Variants in ITFG1 observed in about 807,000 individuals in gnomAD.
ITFG1 encodes integrin alpha FG-GAP repeat containing 1, also known as T-cell immunomodulatory protein.
In ITFG1, 34 loss-of-function variants were observed where a neutral mutation model predicts 81.8. The observed-to-expected ratio is 0.42, with a 90% CI of 0.32 to 0.55. The LOEUF (loss-of-function observed/expected upper bound fraction) is 0.55. Ranked by LOEUF, ITFG1 falls within the 20% of genes least tolerant of loss-of-function variation. The pLI is 0.17. For synonymous variants in ITFG1, 285 were observed against 270.6 expected, an observed-to-expected ratio of 1.05 and a Z score of -0.52; for missense variants, 672 against 755.4, an observed-to-expected ratio of 0.89 and a Z score of 1.29.
chr16:47,169,030 G>T (rs1260269038), intron 14 of ITFG1, among the ~76,000 whole-genome samples: 1 of 152,072 alleles, frequency 6.6e-6, no homozygotes, highest in Non-Finnish European at 1.5e-5. Flanking sequence ...AAATTAATTT[G>T]CCATAGATAT....
intron 7 of ITFG1, among the ~76,000 whole-genome samples, chr16:47,367,552 G>C (rs750110993): frequency 6.6e-6 from 1 of 152,180 alleles, no homozygotes; most frequent in Non-Finnish European, 1.5e-5. Flanking sequence ...TTAGGAAGTG[G>C]GGACTAACGC....
chr16:47,317,406 A>G (rs1166429291), intron 8 of ITFG1: 1 of 152,220 alleles, frequency 6.6e-6, no homozygotes, highest in African/African-American at 2.4e-5. Flanking sequence ...GTTCACATAT[A>G]TCACTTATTC....
At chr16:47,206,569 T>C (rs1026667720) in intron 14 of ITFG1, among the ~76,000 whole-genome samples, 1 of 152,218 alleles carries the variant, frequency 6.6e-6, no homozygotes, top group African/African-American at 2.4e-5. Flanking sequence ...GAATCTACTT[T>C]CTGTCTCTAT....
chr16:47,362,028 G>A (rs1053018770), intron 8 of ITFG1, among the ~76,000 whole-genome samples: 6 of 152,088 alleles, frequency 3.9e-5, no homozygotes, highest in Non-Finnish European at 7.4e-5. Context: ...ACTTTAAAGC[G>A]TCTCAGTACC....
chr16:47,420,943 G>T (rs1968938292), intron 6 of ITFG1, among the ~76,000 whole-genome samples: 1 of 152,076 alleles, frequency 6.6e-6, no homozygotes, highest in Non-Finnish European at 1.5e-5. Context: ...GTGCTCCACT[G>T]TTAGATGCGT....
chr16:47,160,069 T>C (rs758438206), intron 16 of ITFG1, among the ~76,000 whole-genome samples: 1 of 151,978 alleles, frequency 6.6e-6, no homozygotes, highest in Non-Finnish European at 1.5e-5. Flanking sequence ...TGTTAATTAG[T>C]TGAAAGCTAC....
intron 13 of ITFG1, among the ~76,000 whole-genome samples, chr16:47,235,906 A>G (rs910375071): frequency 6.6e-6 from 1 of 152,242 alleles, no homozygotes; most frequent in Non-Finnish European, 1.5e-5. Context: ...ATTGTGATCT[A>G]TGATATCAGT....
At chr16:47,294,950 G>T (rs1966961078) in intron 10 of ITFG1, among the ~76,000 whole-genome samples, 1 of 152,118 alleles carries the variant, frequency 6.6e-6, no homozygotes, top group Non-Finnish European at 1.5e-5. Flanking sequence ...GTTCTTCGGG[G>T]AAGAGCTTTC....
chr16:47,299,941 G>C (rs1049778069), intron 10 of ITFG1: 5 of 152,256 alleles, frequency 3.3e-5, no homozygotes, highest in Non-Finnish European at 7.3e-5. Flanking sequence ...TGCATAGTCT[G>C]CTAAAAGGTA....
intron 14 of ITFG1, among the ~76,000 whole-genome samples, chr16:47,200,134 T>C (rs1965407869): frequency 6.6e-6 from 1 of 152,214 alleles, no homozygotes; most frequent in African/African-American, 2.4e-5. Context: ...ACCCCTGGGC[T>C]ATACCATCTA....
At position 47,199,411 on chromosome 16, in the gene ITFG1, T is replaced by C. The variant is rs952517673; in HGVS notation, c.1453+19457A>G. Among the ~76,000 whole-genome samples, 5 of 152,246 alleles carry C rather than the reference T, an allele frequency of 3.3e-5. No individual in the cohort carries two copies. In the East Asian group the frequency reaches 9.6e-4, roughly 29 times the overall value. The stretch of plus-strand genomic sequence containing the variant: ...CAAGACTCACCCCAGAGTTAACTTC[T>C]AGTTGTACAAGCTACATTCATGGTA... On this transcript the variant is annotated intron_variant, in intron 14 of 17. Coordinates refer to ENST00000320640, the MANE Select transcript of ITFG1 (RefSeq NM_030790.5).
At chr16:47,312,318 G>A (rs913832105) in intron 9 of ITFG1, 1 of 152,130 alleles carries the variant, frequency 6.6e-6, no homozygotes, top group Admixed American at 6.5e-5. Flanking sequence ...AACATACCTA[G>A]AGATTCCCTT....
intron 13 of ITFG1, among the ~76,000 whole-genome samples, chr16:47,228,007 TTAAA>T (rs1159002372): frequency 6.6e-6 from 1 of 152,212 alleles, no homozygotes; most frequent in East Asian, 1.9e-4. Context: ...CTTTAAGACA[TTAAA>T]TAAAACATTA....
intron 12 of ITFG1, among the ~76,000 whole-genome samples, chr16:47,242,611 G>GA (rs1385903000): frequency 6.6e-6 from 1 of 152,024 alleles, no homozygotes; most frequent in South Asian, 2.1e-4. Context: ...AGAACAATAT[G>GA]AAATAAAAAC....
chr16:47,402,257 C>T (rs1968671192), intron 6 of ITFG1, among the ~76,000 whole-genome samples: 1 of 152,110 alleles, frequency 6.6e-6, no homozygotes, highest in Non-Finnish European at 1.5e-5. Flanking sequence ...ACTTGTACCA[C>T]AGTATAAATA....
intron 10 of ITFG1, among the ~76,000 whole-genome samples, chr16:47,270,630 A>C (rs1276541923): frequency 6.6e-6 from 1 of 152,250 alleles, no homozygotes; most frequent in African/African-American, 2.4e-5. Flanking sequence ...TATTTGTAGC[A>C]GTCAGACCTG....
At chr16:47,348,193 G>A (rs1967888717) in intron 8 of ITFG1, among the ~76,000 whole-genome samples, 1 of 152,152 alleles carries the variant, frequency 6.6e-6, no homozygotes, top group Non-Finnish European at 1.5e-5. Context: ...CACCAGCAAC[G>A]GAACAAAGCT....
At chr16:47,314,545 T>A (rs1302722981) in intron 8 of ITFG1, among the ~76,000 whole-genome samples, 2 of 152,182 alleles carry the variant, frequency 1.3e-5, no homozygotes, top group Non-Finnish European at 2.9e-5. Context: ...CAAAGCACAG[T>A]ATTCTGCTAA....
At chr16:47,218,104 T>C (rs1310836094) in intron 14 of ITFG1, 1 of 152,196 alleles carries the variant, frequency 6.6e-6, no homozygotes, top group African/African-American at 2.4e-5. Context: ...AGTAAGGCCA[T>C]TACATAACAT....
Sources: allele counts gnomAD v4.1 joint callset (sites outside exome capture counted in the v4.1 genomes callset), GRCh38; gene constraint gnomAD v4.1.1; transcripts MANE v1.5; gene names NCBI Gene and HGNC (gene_info 2026-07-23, HGNC 2026-07-21).